FARS2: variants seen among roughly 807,000 people sequenced by gnomAD.
FARS2 encodes the protein phenylalanine--tRNA ligase, mitochondrial.
In FARS2, 40 loss-of-function variants were observed where a neutral mutation model predicts 46.4. The observed-to-expected ratio is 0.86, with a 90% confidence interval of 0.67 to 1.12. FARS2 has a LOEUF of 1.12. Among genes scored for constraint, FARS2 ranks in the 50% most tolerant of loss-of-function variants. The pLI is 0.00. For missense variants in FARS2, 513 were observed against 567.9 expected, an observed-to-expected ratio of 0.90 and a Z score of 0.98; for synonymous variants, 234 against 214.9, an observed-to-expected ratio of 1.09 and a Z score of -0.78.
At chr6:5,450,348 G>T (rs558143558) in intron 4 of FARS2, among the ~76,000 whole-genome samples, 4 of 152,086 alleles carry the variant, frequency 2.6e-5, no homozygotes, top group African/African-American at 9.6e-5. Context: ...AGGGTTGGTG[G>T]TAACAGGGAG....
At chr6:5,660,287 GA>G (rs1241856110) in intron 6 of FARS2, among the ~76,000 whole-genome samples, 1 of 152,142 alleles carries the variant, frequency 6.6e-6, no homozygotes. Flanking sequence ...AACTTTCATG[GA>G]ATAATCACAC....
At chr6:5,294,175 T>G (rs1365259295) in intron 1 of FARS2, among the ~76,000 whole-genome samples, 4 of 152,208 alleles carry the variant, frequency 2.6e-5, no homozygotes, top group African/African-American at 9.7e-5. Context: ...TTTAGCCACT[T>G]ATTGTATTTG....
At chr6:5,517,899 C>T (rs1021118407) in intron 4 of FARS2, among the ~76,000 whole-genome samples, 6 of 152,098 alleles carry the variant, frequency 3.9e-5, no homozygotes, top group Admixed American at 1.3e-4. Context: ...AATGTAAGTC[C>T]CCGCCTTGGC....
At chr6:5,460,845 C>T (rs1255178011) in intron 4 of FARS2, among the ~76,000 whole-genome samples, 2 of 152,094 alleles carry the variant, frequency 1.3e-5, no homozygotes, top group African/African-American at 4.8e-5. Flanking sequence ...ACTCAAGGAA[C>T]TCAGTTGTCA....
intron 4 of FARS2, among the ~76,000 whole-genome samples, chr6:5,538,732 A>G (rs1770377739): frequency 6.6e-6 from 1 of 152,176 alleles, no homozygotes; most frequent in Non-Finnish European, 1.5e-5. Flanking sequence ...GACACAATGC[A>G]GGGGTGCGAT....
chr6:5,275,640 A>G (rs1463480907), intron 1 of FARS2, among the ~76,000 whole-genome samples: 1 of 152,184 alleles, frequency 6.6e-6, no homozygotes, highest in Non-Finnish European at 1.5e-5. Flanking sequence ...CACCAAGAAT[A>G]TTAGGTAACA....
chr6:5,736,612 A>T, intron 6 of FARS2, among the ~76,000 whole-genome samples: 1 of 152,152 alleles, frequency 6.6e-6, no homozygotes, highest in East Asian at 1.9e-4. Flanking sequence ...CAAAAGCTCA[A>T]CTGATAGTAG....
At chr6:5,422,804 A>G (rs969406835) in intron 3 of FARS2, among the ~76,000 whole-genome samples, 3 of 152,168 alleles carry the variant, frequency 2.0e-5, no homozygotes, top group African/African-American at 7.2e-5. Flanking sequence ...TTCATATTTT[A>G]TTAAAAAGTG....
chr6:5,383,994 T>C (rs897346750), intron 2 of FARS2, among the ~76,000 whole-genome samples: 5 of 152,188 alleles, frequency 3.3e-5, no homozygotes, highest in African/African-American at 1.2e-4. Context: ...GAAGAAGATG[T>C]TGAGAGATCA....
intron 6 of FARS2, among the ~76,000 whole-genome samples, chr6:5,651,042 G>A (rs75393752): frequency 6.6e-6 from 1 of 152,298 alleles, no homozygotes; most frequent in East Asian, 1.9e-4. Flanking sequence ...AACCTCAGTT[G>A]CCTCTCAATA....
chr6:5,454,797 T>C (rs1251060090), intron 4 of FARS2, among the ~76,000 whole-genome samples: 3 of 152,196 alleles, frequency 2.0e-5, no homozygotes, highest in Non-Finnish European at 4.4e-5. Context: ...TCTGACCAGC[T>C]CTCTGGCCAT....
At chr6:5,347,483 C>T (rs1757312081) in intron 1 of FARS2, among the ~76,000 whole-genome samples, 1 of 152,090 alleles carries the variant, frequency 6.6e-6, no homozygotes, top group African/African-American at 2.4e-5. Flanking sequence ...TGAGATTCAT[C>T]CACGTTGTGT....
chr6:5,618,157 C>T (rs11243023), intron 6 of FARS2, among the ~76,000 whole-genome samples: 2,906 of 152,262 alleles, frequency 0.019, 186 homozygotes, highest in East Asian at 0.14. Context: ...GAATTTGGCC[C>T]ATGGGCTGTA....
chr6:5,659,007 A>G (rs114238113), intron 6 of FARS2, among the ~76,000 whole-genome samples: 1,655 of 152,262 alleles, frequency 0.011, 40 homozygotes, highest in African/African-American at 0.033. Flanking sequence ...ATGTATTGGG[A>G]GACTTTGATG....
chr6:5,653,207 G>T lies in FARS2; in HGVS notation c.1217+39887G>T, dbSNP rs946690813. ...GCTTTTCATTTCTGGCAGAACCTTA[G>T]ACATTAATGAACCTGAATTCTCTTA... On this transcript the variant is annotated intron_variant, in intron 6 of 6. Coordinates refer to ENST00000274680, the MANE Select transcript of FARS2 (RefSeq NM_006567.5). Among the ~76,000 whole-genome samples, 10 of 152,090 alleles carry T rather than the reference G, an allele frequency of 6.6e-5. 1 individual carries two copies. The highest frequency in any genetic ancestry group is 2.2e-4 in the African/African-American group (9 of 41,396).
intron 5 of FARS2, chr6:5,610,270 C>T (rs1210714754): frequency 2.1e-5 from 9 of 428,136 alleles, no homozygotes; most frequent in South Asian, 6.1e-5. Flanking sequence ...AGCAAGCTGA[C>T]GAATCGTATC....
chr6:5,565,648 ATATTAG>A (rs1266662567), intron 5 of FARS2, among the ~76,000 whole-genome samples: 2 of 152,252 alleles, frequency 1.3e-5, no homozygotes, highest in Non-Finnish European at 2.9e-5. Flanking sequence ...TTTGGAACAT[ATATTAG>A]TATTATTCAC....
intron 4 of FARS2, among the ~76,000 whole-genome samples, chr6:5,501,562 T>C (rs530186053): frequency 2.0e-5 from 3 of 152,318 alleles, no homozygotes; most frequent in Middle Eastern, 3.4e-3. Flanking sequence ...AGTGGCGTGA[T>C]CTCAGCTCAC....
At chr6:5,410,902 C>T (rs1437280145) in intron 3 of FARS2, among the ~76,000 whole-genome samples, 1 of 152,034 alleles carries the variant, frequency 6.6e-6, no homozygotes, top group Non-Finnish European at 1.5e-5. Context: ...TTACAATCTC[C>T]GTTTTTCAGA....
Sources: allele counts gnomAD v4.1 joint callset (sites outside exome capture counted in the v4.1 genomes callset), GRCh38; gene constraint gnomAD v4.1.1; transcripts MANE v1.5; gene names NCBI Gene and HGNC (gene_info 2026-07-23, HGNC 2026-07-21).